The following NAV2 variants were observed in gnomAD, a reference collection of about 807,000 sequenced individuals.
The protein encoded by NAV2 is neuron navigator 2.
Under a neutral mutation model 223.2 loss-of-function variants are expected in NAV2, and 54 were observed. The ratio of observed to expected loss-of-function variants is 0.24; its 90% CI spans 0.19 to 0.30. The LOEUF (loss-of-function observed/expected upper bound fraction) is 0.30, where lower values mean the gene tolerates loss of function less well. NAV2 is among the 10% of genes least tolerant of loss of function. The pLI is 1.00. For synonymous variants in NAV2, 1,279 were observed against 1,239.3 expected (o/e 1.03, Z -0.67); for missense variants, 2,806 against 3,147.5 (o/e 0.89, Z 2.60).
At chr11:19,900,500 C>A (rs543680912) in intron 6 of NAV2, among the ~76,000 whole-genome samples, 1 of 152,268 alleles carries the variant, frequency 6.6e-6, no homozygotes, top group Admixed American at 6.5e-5. Context: ...ATGCTTAGCA[C>A]CATTCTAGTG....
chr11:19,442,467 A>G (rs1181005854), intron 1 of NAV2, among the ~76,000 whole-genome samples: 1 of 152,238 alleles, frequency 6.6e-6, no homozygotes, highest in African/African-American at 2.4e-5. Flanking sequence ...CTCAACACAG[A>G]GGAGGGCTTT....
chr11:19,515,596 G>C (rs1321871267), intron 1 of NAV2, among the ~76,000 whole-genome samples: 2 of 152,122 alleles, frequency 1.3e-5, no homozygotes, highest in Non-Finnish European at 2.9e-5. Flanking sequence ...CATCTTCCCA[G>C]ATGCTAATTG....
chr11:19,436,922 T>C (rs1364454404), intron 1 of NAV2, among the ~76,000 whole-genome samples: 1 of 152,212 alleles, frequency 6.6e-6, no homozygotes, highest in Non-Finnish European at 1.5e-5. Context: ...TGTCTGTATA[T>C]TGATTTTATA....
At chr11:20,023,699 G>GGTGGGTGTGTGTGT (rs1554902315) in intron 11 of NAV2, among the ~76,000 whole-genome samples, 154 of 144,572 alleles carry the variant, frequency 1.1e-3, no homozygotes, top group Middle Eastern at 3.2e-3. Context: ...CAAATTGCTG[G>GGTGGGTGTGTGTGT]GTGTGTGTGT....
chr11:19,869,399 T>C (rs2062319886), intron 4 of NAV2, among the ~76,000 whole-genome samples: 1 of 152,226 alleles, frequency 6.6e-6, no homozygotes, highest in Non-Finnish European at 1.5e-5. Context: ...TTAATCCTTA[T>C]CTCTTTTATT....
chr11:20,039,095 C>G (rs2056671906), intron 12 of NAV2, among the ~76,000 whole-genome samples: 2 of 152,090 alleles, frequency 1.3e-5, no homozygotes, highest in South Asian at 4.1e-4. Flanking sequence ...TGCTTGAGGC[C>G]CAAGAGCCTC....
At position 19,613,445 on chromosome 11, in the gene NAV2, C is replaced by T. The variant is rs572768897; in HGVS notation, c.76-219039C>T. Among the ~76,000 whole-genome samples, 11 of 152,360 alleles carry T rather than the reference C, an allele frequency of 7.2e-5. No homozygotes were observed. The South Asian group carries it at 2.3e-3, about 32-fold the overall frequency. ...AGGCCTTGGGTATGGACAGATCTCC[C>T]AGGAGGGGCTGTCCTTGGCACCCCA... On this transcript the variant is annotated intron_variant, in intron 1 of 37. Transcript: ENST00000360655.
chr11:19,814,217 C>T (rs7120738), intron 1 of NAV2, among the ~76,000 whole-genome samples: 20,197 of 152,086 alleles, frequency 0.13, 1,412 homozygotes, highest in Middle Eastern at 0.16. Context: ...TGGCAGGTTT[C>T]GCTTGTTTTC....
At chr11:19,625,045 A>G (rs937154310) in intron 1 of NAV2, among the ~76,000 whole-genome samples, 2 of 152,208 alleles carry the variant, frequency 1.3e-5, no homozygotes, top group African/African-American at 2.4e-5. Flanking sequence ...CATCTCAAAC[A>G]TTTATCATTT....
At chr11:19,566,243 T>A (rs4533018) in intron 1 of NAV2, among the ~76,000 whole-genome samples, 8 of 151,530 alleles carry the variant, frequency 5.3e-5, no homozygotes, top group Non-Finnish European at 1.0e-4. Flanking sequence ...GCTAATTTTT[T>A]TTGTTGTTGC....
In NAV2 at chr11:20,080,069, G is replaced by A. The variant is rs1487578192; in HGVS notation, c.5185G>A (p.Gly1729Ser). Residue 1729 changes from glycine to serine, a missense_variant, in exon 25 of 38, where the codon GGC becomes AGC. By Grantham distance (56) the Gly-to-Ser change is moderately conservative (BLOSUM62 0). Around this residue, in one of 4 missense-constraint regions of NAV2, gnomAD observed 824 missense variants for 1,069.4 expected, o/e 0.77. Coordinates refer to ENST00000349880, the MANE Select transcript of NAV2 (RefSeq NM_145117.5). ...NTPELNCKGN[G>S]TAQSADLRIR... The stretch of plus-strand genomic sequence containing the variant: ...CACCCTGCCTTGGTCTCCAGGAAAC[G>A]GCACTGCCCAGTCTGCAGACCTCCG... 3.1e-6 allele frequency: 5 copies of A among 1,613,542 alleles called. No individual in the cohort carries two copies. Among genetic ancestry groups the A allele is most frequent in the African/African-American group, 1.3e-5 (1 of 75,020 alleles).
chr11:19,638,495 C>G (rs139695624), intron 1 of NAV2, among the ~76,000 whole-genome samples: 1 of 152,346 alleles, frequency 6.6e-6, no homozygotes, highest in East Asian at 1.9e-4. Context: ...ACTGACAATA[C>G]TAACACTATC....
intron 29 of NAV2, 55 bp from the exon 30 acceptor site, chr11:20,095,617 C>A (rs1276281077): frequency 1.5e-6 from 2 of 1,296,290 alleles, no homozygotes; most frequent in African/African-American, 2.9e-5. Flanking sequence ...CTCTGCTGAA[C>A]TGAGTCAGAA....
At chr11:20,050,039 A>G in intron 16 of NAV2, 138 bp downstream of exon 16, 1 of 736,908 alleles carries the variant, frequency 1.4e-6, no homozygotes, top group Admixed American at 2.1e-5. Flanking sequence ...TCTGTGACAC[A>G]TGGACATGCC....
At chr11:19,955,791 C>G (rs1470885267) in intron 10 of NAV2, among the ~76,000 whole-genome samples, 1 of 152,148 alleles carries the variant, frequency 6.6e-6, no homozygotes, top group Non-Finnish European at 1.5e-5. Flanking sequence ...GTGAATATGT[C>G]CAGACCAGAC....
intron 1 of NAV2, among the ~76,000 whole-genome samples, chr11:19,484,016 C>T (rs1404554515): frequency 6.6e-6 from 1 of 151,990 alleles, no homozygotes; most frequent in Non-Finnish European, 1.5e-5. Flanking sequence ...AGGTGTGCTC[C>T]GCGTGCCTTC....
At chr11:20,100,610 C>T (rs2061574400) in intron 31 of NAV2, among the ~76,000 whole-genome samples, 1 of 149,836 alleles carries the variant, frequency 6.7e-6, no homozygotes, top group African/African-American at 2.5e-5. Context: ...ATAGTAAATC[C>T]AGACAGGCAA....
rs554431731 is a variant in NAV2 at position 19,984,655 on chromosome 11, G to A, written c.2768+408G>A. Among the ~76,000 whole-genome samples, 51 of 152,158 alleles carry A rather than the reference G, an allele frequency of 3.4e-4. 1 individual carries two copies. The highest frequency in any genetic ancestry group is 6.6e-4 in the Non-Finnish European group (45 of 68,016). On this transcript the variant is annotated intron_variant, in intron 11 of 37. Coordinates refer to ENST00000349880, the MANE Select transcript of NAV2 (RefSeq NM_145117.5). ...GCAGAAGGGATCTCTCCTAGCCTTG[G>A]CTGAGCAGCCTTCACCAAAAAGCCT...
chr11:20,047,883 C>T (rs942168892), intron 14 of NAV2, among the ~76,000 whole-genome samples: 8 of 152,116 alleles, frequency 5.3e-5, no homozygotes, highest in Non-Finnish European at 4.4e-5. Flanking sequence ...TGTAATAGAG[C>T]CTTTGCATTA....
Sources: gnomAD v4.1 joint callset for allele counts (sites outside exome capture counted in the v4.1 genomes callset) on GRCh38, gnomAD v4.1.1 for gene constraint, gnomAD v4.1.1 regional missense constraint, MANE v1.5 for transcripts, NCBI Gene and HGNC (gene_info 2026-07-23, HGNC 2026-07-21) for gene names.